EPHA2: variants seen among roughly 807,000 people sequenced by gnomAD.
EPHA2 encodes EPH receptor A2, also known as ephrin type-A receptor 2.
EPHA2 carries 54 observed loss-of-function variants against 104.9 expected under a neutral mutation model. That is an observed-to-expected ratio of 0.51 (90% CI 0.41 to 0.65). EPHA2 has a LOEUF of 0.65. Ranked by LOEUF, EPHA2 falls within the 30% of genes least tolerant of loss-of-function variation. The pLI is 0.00. For missense variants in EPHA2, 1,117 were observed against 1,369.5 expected, an observed-to-expected ratio of 0.82 and a Z score of 2.91; for synonymous variants, 560 against 559.1, an observed-to-expected ratio of 1.00 and a Z score of -0.02.
chr1:16,125,368 A>AGGGGGGG lies in EPHA2; in HGVS notation c.2826-49_2826-48insCCCCCCC. 4 of 74,602 alleles carry AGGGGGGG rather than the reference A, an allele frequency of 5.4e-5. No individual in the cohort carries two copies. Among genetic ancestry groups the AGGGGGGG allele is most frequent in the Admixed American group, 5.1e-4 (3 of 5,878 alleles). 4.6% of individuals were successfully genotyped at this position (74,602 alleles called of 1,614,324 possible). A position where few individuals can be genotyped will look rare whatever the true frequency, so the allele number is the denominator to read the frequency against. Reference sequence around the variant, plus strand: ...GGAGAGTTAGGGGCTGGAGCAGGGGAGGGGGCCGGGCTGGGTGGGGACAGG... The same window carrying AGGGGGGG: ...GGAGAGTTAGGGGCTGGAGCAGGGGAGGGGGGGGGGGGCCGGGCTGGGTGGGGACAGG... On this transcript the variant is annotated intron_variant, in intron 16 of 16. Transcript: ENST00000358432. The surrounding 1 kb of genome is among the most constrained non-coding windows in gnomAD (Gnocchi z 4.9).
intron 11 of EPHA2, 94 bp from the exon 12 acceptor site, chr1:16,132,533 A>T: frequency 7.6e-7 from 1 of 1,307,614 alleles, no homozygotes; most frequent in Non-Finnish European, 1.1e-6. Context: ...CAGGTGTAGG[A>T]GAGGTGGGCA....
intron 1 of EPHA2, chr1:16,153,138 A>T (rs1229255080): frequency 1.3e-5 from 13 of 985,112 alleles, no homozygotes; most frequent in Non-Finnish European, 1.6e-5. Flanking sequence ...GGGAAAAAAA[A>T]AAAGCAAAAA....
chr1:16,140,294 A>T (rs1031088806), intron 3 of EPHA2, among the ~76,000 whole-genome samples: 1 of 152,178 alleles, frequency 6.6e-6, no homozygotes, highest in Non-Finnish European at 1.5e-5. Flanking sequence ...GCAAGAGCTC[A>T]GGCACATAGG....
At position 16,135,254 on chromosome 1, in the gene EPHA2, G is replaced by A. The variant is rs1394555091; in HGVS notation, c.1429-65C>T. Reference sequence around the variant, plus strand: ...CAGGGCAGGGGCCTCGGCTCAGCCCGCTGGAGACCACCCCAAGCTAGCAAG... The same window carrying A: ...CAGGGCAGGGGCCTCGGCTCAGCCCACTGGAGACCACCCCAAGCTAGCAAG... On this transcript the variant is annotated intron_variant, in intron 6 of 16. Coordinates refer to ENST00000358432, the MANE Select transcript of EPHA2 (RefSeq NM_004431.5). The surrounding 1 kb of genome is among the most constrained non-coding windows in gnomAD (Gnocchi z 4.3). 23 of 1,600,900 alleles carry A rather than the reference G, an allele frequency of 1.4e-5. No individual in the cohort carries two copies. Among genetic ancestry groups the A allele is most frequent in the Middle Eastern group, 2.1e-4 (1 of 4,808 alleles).
At chr1:16,146,222 A>ACGAACTAAGT (rs1197939245) in intron 3 of EPHA2, among the ~76,000 whole-genome samples, 16 of 152,314 alleles carry the variant, frequency 1.1e-4, no homozygotes, top group African/African-American at 3.4e-4. Flanking sequence ...ACAGGGTTCC[A>ACGAACTAAGT]CGAACTAAGT....
rs770359528 is a variant in EPHA2, at chr1:16,133,160, G to A, written c.2053+20C>T. 3.1e-6 allele frequency: 5 copies of A among 1,612,430 alleles called. No homozygotes were observed. The highest frequency in any genetic ancestry group is 4.2e-6 in the Non-Finnish European group (5 of 1,179,804). ...TAAGTGGCCCCTCTCCACCCAGTGT[G>A]GGCAGGCCCCAAGCCTCACATTTGG... On this transcript the variant is annotated intron_variant, in intron 11 of 16. Coordinates refer to ENST00000358432, the MANE Select transcript of EPHA2 (RefSeq NM_004431.5).
At position 16,148,467 on chromosome 1, in the gene EPHA2, A is replaced by C; in HGVS notation, c.734T>G (p.Met245Arg). 6.2e-7 allele frequency: 1 copy of C among 1,613,892 alleles called. No individual in the cohort carries two copies. Among genetic ancestry groups the C allele is most frequent in the Non-Finnish European group, 8.5e-7 (1 of 1,180,032 alleles). ...VVPPGGEEPR[M>R]HCAVDGEWLV... is the part of the protein sequence containing the mutation. ...CCACTCGCCATCCACTGCACAGTGC[A>C]TACGGGGCTCTTCACCCCCCGGTGG... Residue 245 changes from methionine to arginine, a missense_variant, in exon 3 of 17, where the codon ATG becomes AGG. By Grantham distance (91) the Met-to-Arg change is moderately conservative. Around this residue, in one of 3 missense-constraint regions of EPHA2, gnomAD observed 664 missense variants for 784.8 expected, o/e 0.85. Coordinates refer to ENST00000358432, the MANE Select transcript of EPHA2 (RefSeq NM_004431.5). The surrounding 1 kb of genome is among the most constrained non-coding windows in gnomAD (Gnocchi z 4.9).
chr1:16,148,820 G>A lies in EPHA2; in HGVS notation c.381C>T (p.Asp127=). The part of the protein sequence containing the change: ...ETFNLYYAES[D]LDYGTNFQKR... ...TCTGGAAGTTGGTGCCGTAGTCCAG[G>A]TCCGACTCGGCATAGTAGAGGTTGA... Residue 127 remains aspartate (D), a synonymous_variant, in exon 3 of 17, where the codon GAC becomes GAT. Coordinates refer to ENST00000358432, the MANE Select transcript of EPHA2 (RefSeq NM_004431.5). The surrounding 1 kb of genome is among the most constrained non-coding windows in gnomAD (Gnocchi z 4.9). 1 of 1,614,146 alleles carries A rather than the reference G, an allele frequency of 6.2e-7. No individual in the cohort carries two copies. Among genetic ancestry groups the A allele is most frequent in the East Asian group, 2.2e-5 (1 of 44,890 alleles).
Position 16,135,243 on chromosome 1 carries a change from C to T in EPHA2, c.1429-54G>A, listed in dbSNP as rs1036157818. 19 of 1,609,288 alleles carry T rather than the reference C, an allele frequency of 1.2e-5. No homozygotes were observed. Among genetic ancestry groups the T allele is most frequent in the Admixed American group, 3.3e-5 (2 of 59,946 alleles). The stretch of plus-strand genomic sequence containing the variant: ...GGCAGTGAGGGCAGGGCAGGGGCCT[C>T]GGCTCAGCCCGCTGGAGACCACCCC... On this transcript the variant is annotated intron_variant, in intron 6 of 16. Coordinates refer to ENST00000358432, the MANE Select transcript of EPHA2 (RefSeq NM_004431.5). The surrounding 1 kb of genome is among the most constrained non-coding windows in gnomAD (Gnocchi z 4.3).
intron 5 of EPHA2, among the ~76,000 whole-genome samples, chr1:16,136,763 A>AGAAGAAGAAGAAGAG (rs2024717193): frequency 6.7e-6 from 1 of 148,884 alleles, no homozygotes; most frequent in African/African-American, 2.5e-5. Context: ...AAGAAGAAGA[A>AGAAGAAGAAGAAGAG]GAAGAAGAAG....
chr1:16,135,792 G>T lies in EPHA2; in HGVS notation c.1313-22C>A, dbSNP rs1294356235. ...GGCTCTGGGCAGGACAGGCAGTGGG[G>T]GAAGTGGGTAAGAAGCTGCCTACGA... is the stretch of plus-strand genomic sequence containing the variant. On this transcript the variant is annotated intron_variant, in intron 5 of 16. Transcript: ENST00000358432. The surrounding 1 kb of genome is among the most constrained non-coding windows in gnomAD (Gnocchi z 4.3). 5 of 1,390,242 alleles carry T rather than the reference G, an allele frequency of 3.6e-6. No individual in the cohort carries two copies. In the South Asian group the frequency reaches 5.8e-5, roughly 16 times the overall value. The allele number at this position is 1,390,242 out of a possible 1,614,324, so 86.1% of individuals were successfully genotyped here. A position where few individuals can be genotyped will look rare whatever the true frequency, so the allele number is the denominator to read the frequency against.
In EPHA2 at chr1:16,129,436, G is replaced by A. The variant is rs947018509; in HGVS notation, c.2823C>T (p.Asn941=). ...TAIEKVVQMT[N]DDIKRIGVRL... ...GGACGGAAAGGGGCCTGACTTACTCGTTGGTCATCTGCACCACCTTCTCGA... is the reference window on the plus strand; with the variant it reads ...GGACGGAAAGGGGCCTGACTTACTCATTGGTCATCTGCACCACCTTCTCGA... Residue 941 remains asparagine, a splice_region_variant and synonymous_variant, in exon 16 of 17, where the codon AAC becomes AAT. Coordinates refer to ENST00000358432, the MANE Select transcript of EPHA2 (RefSeq NM_004431.5). 9.9e-6 allele frequency: 16 copies of A among 1,612,954 alleles called. No homozygotes were observed. The highest frequency in any genetic ancestry group is 1.7e-5 in the Admixed American group (1 of 59,994).
chr1:16,154,609 G>C (rs1204867858), intron 1 of EPHA2, among the ~76,000 whole-genome samples: 2 of 151,872 alleles, frequency 1.3e-5, no homozygotes, highest in Non-Finnish European at 1.5e-5. Context: ...GCAAAAATTA[G>C]ACGCGCCTGG....
chr1:16,140,124 A>G (rs1410497095), intron 3 of EPHA2, among the ~76,000 whole-genome samples: 1 of 152,232 alleles, frequency 6.6e-6, no homozygotes, highest in African/African-American at 2.4e-5. Flanking sequence ...AAGGACACCC[A>G]GCTCTGTAAG....
Position 16,134,892 on chromosome 1 carries a change from G to T in EPHA2, c.1582+144C>A. 1 of 1,300,516 alleles carries T rather than the reference G, an allele frequency of 7.7e-7. No homozygotes were observed. The highest frequency in any genetic ancestry group is 1.1e-6 in the Non-Finnish European group (1 of 935,898). 80.6% of individuals were successfully genotyped at this position (1,300,516 alleles called of 1,614,324 possible). A position where few individuals can be genotyped will look rare whatever the true frequency, so the allele number is the denominator to read the frequency against. ...TGCTTCCCCCTCCCCAGGCTTGGGG[G>T]CAGTCCCCGAAGGGCTGTCCCAGGC... On this transcript the variant is annotated intron_variant, in intron 7 of 16. Coordinates refer to ENST00000358432, the MANE Select transcript of EPHA2 (RefSeq NM_004431.5). This position sits in a 1 kb window ranked among gnomAD's most constrained non-coding sequence, Gnocchi z 4.5.
chr1:16,134,330 A>G lies in EPHA2; in HGVS notation c.1682+138T>C, dbSNP rs1414077480. On this transcript the variant is annotated intron_variant, in intron 8 of 16. Transcript: ENST00000358432. The surrounding 1 kb of genome is among the most constrained non-coding windows in gnomAD (Gnocchi z 4.5). ...CTTCGCTACACACTCTAACTCGTATATCCTCGCACCATCCGGAGGCAGGGA... is the reference window on the plus strand; with the variant it reads ...CTTCGCTACACACTCTAACTCGTATGTCCTCGCACCATCCGGAGGCAGGGA... The G allele has an allele frequency of 3.0e-6, 3 of 989,716 alleles. No individual in the cohort carries two copies. Among genetic ancestry groups the G allele is most frequent in the Non-Finnish European group, 4.7e-6 (3 of 637,410 alleles). The allele number at this position is 989,716 out of a possible 1,614,324, so 61.3% of individuals were successfully genotyped here.
Position 16,155,958 on chromosome 1 carries a change from TC to T in EPHA2, c.-27del. ...GCCGCGCTTCTCGCTCTCGGTCCGA[TC>T]CCCCCGAGCCCGGCTCCCGCACACC... On this transcript the variant is annotated 5_prime_UTR_variant, in exon 1 of 17. Coordinates refer to ENST00000358432, the MANE Select transcript of EPHA2 (RefSeq NM_004431.5). 5.4e-6 allele frequency: 8 copies of T among 1,480,070 alleles called. No individual in the cohort carries two copies. Among genetic ancestry groups the T allele is most frequent in the Admixed American group, 2.3e-5 (1 of 43,794 alleles). The allele number at this position is 1,480,070 out of a possible 1,614,324, so 91.7% of individuals were successfully genotyped here. A position where few individuals can be genotyped will look rare whatever the true frequency, so the allele number is the denominator to read the frequency against.
intron 3 of EPHA2, among the ~76,000 whole-genome samples, chr1:16,143,430 C>T (rs72889716): frequency 0.053 from 8,050 of 152,104 alleles, 705 homozygotes; most frequent in African/African-American, 0.18. Flanking sequence ...AACTTTGGCA[C>T]ACCTGTGGCA....
In EPHA2 at chr1:16,124,547, C is replaced by A. The variant is rs146367469; in HGVS notation, c.*668G>T. 2.0e-3 allele frequency: 307 copies of A among 152,834 alleles called. 1 individual carries two copies. The highest frequency in any genetic ancestry group is 3.1e-3 in the Non-Finnish European group (211 of 68,196). The allele number at this position is 152,834 out of a possible 1,614,324, so 9.5% of individuals were successfully genotyped here. On this transcript the variant is annotated 3_prime_UTR_variant, in exon 17 of 17. Coordinates refer to ENST00000358432, the MANE Select transcript of EPHA2 (RefSeq NM_004431.5). ...ACTCCTGCAGCACCGGTCCCTGAGT[C>A]CCCAGCTCACGAATGTTTGACACCC...
Sources: gnomAD v4.1 joint callset for allele counts (sites outside exome capture counted in the v4.1 genomes callset) on GRCh38, gnomAD v4.1.1 for gene constraint, gnomAD v4.1.1 regional missense constraint, Gnocchi (gnomAD v3.1) non-coding constraint, MANE v1.5 for transcripts, NCBI Gene and HGNC (gene_info 2026-07-23, HGNC 2026-07-21) for gene names.